Variants in RAB3C observed in about 807,000 individuals in gnomAD.
RAB3C encodes RAB3C, member RAS oncogene family.
A neutral mutation model predicts 26.4 loss-of-function variants in RAB3C; 17 were observed. The ratio of observed to expected loss-of-function variants is 0.64; its 90% CI spans 0.44 to 0.97. The LOEUF (loss-of-function observed/expected upper bound fraction) is 0.97, where lower values mean the gene tolerates loss of function less well. Ranked by LOEUF, RAB3C falls within the 50% of genes least tolerant of loss-of-function variation. The pLI, the probability that RAB3C is intolerant of heterozygous loss-of-function variation, is 0.00. For missense variants in RAB3C, 242 were observed against 281.9 expected (o/e 0.86, Z 1.01); for synonymous variants, 91 against 95.9 (o/e 0.95, Z 0.30).
At chr5:58,678,646 A>T (rs1748281745) in intron 2 of RAB3C, among the ~76,000 whole-genome samples, 1 of 152,218 alleles carries the variant, frequency 6.6e-6, no homozygotes. Context: ...TTACTAATAA[A>T]TATTTTTTCC....
At chr5:58,627,471 TAAAAAAA>T (rs58104232) in intron 2 of RAB3C, among the ~76,000 whole-genome samples, 4 of 68,442 alleles carry the variant, frequency 5.8e-5, no homozygotes, top group Non-Finnish European at 1.3e-4. Flanking sequence ...GACTCCGTCT[TAAAAAAA>T]AAAAAAAAAA....
chr5:58,792,410 C>T (rs1444492441), intron 3 of RAB3C, among the ~76,000 whole-genome samples: 1 of 152,130 alleles, frequency 6.6e-6, no homozygotes, highest in Non-Finnish European at 1.5e-5. Flanking sequence ...TGGTCCAAAC[C>T]AACCATCTGA....
chr5:58,593,697 C>G (rs1382510528), intron 1 of RAB3C, among the ~76,000 whole-genome samples: 1 of 152,176 alleles, frequency 6.6e-6, no homozygotes, highest in Non-Finnish European at 1.5e-5. Context: ...AAACAAAATG[C>G]CTTTTCCAAC....
At chr5:58,650,959 T>C (rs1747636138) in intron 2 of RAB3C, among the ~76,000 whole-genome samples, 1 of 152,178 alleles carries the variant, frequency 6.6e-6, no homozygotes, top group African/African-American at 2.4e-5. Context: ...GATCACTCAT[T>C]ATTCAGAGAA....
chr5:58,628,053 A>G lies in RAB3C; in HGVS notation c.252+10183A>G, dbSNP rs1226566605. Among the ~76,000 whole-genome samples, 3 of 144,256 alleles carry G rather than the reference A, an allele frequency of 2.1e-5. No homozygotes were observed. In the Admixed American group the frequency reaches 2.2e-4, roughly 10 times the overall value. The allele number at this position is 144,256 out of a possible 152,430, so 94.6% of individuals were successfully genotyped here. A position where few individuals can be genotyped will look rare whatever the true frequency, so the allele number is the denominator to read the frequency against. ...GCGCCTGTAGTCCCAGCTACTTGGG[A>G]GGCTGAGGCAGGAGAATCGCTTGAA... On this transcript the variant is annotated intron_variant, in intron 2 of 4. Transcript: ENST00000282878.
At chr5:58,763,284 A>G (rs1399747326) in intron 3 of RAB3C, among the ~76,000 whole-genome samples, 1 of 152,224 alleles carries the variant, frequency 6.6e-6, no homozygotes, top group East Asian at 1.9e-4. Context: ...ATCTAGTTTA[A>G]GCTTTGTCCC....
chr5:58,842,237 A>G (rs889243), intron 4 of RAB3C, among the ~76,000 whole-genome samples: 149,625 of 152,288 alleles, frequency 0.98, 73,639 homozygotes, highest in Non-Finnish European at 1. Context: ...AGAAATTTGG[A>G]AGACACTCTA....
intron 2 of RAB3C, among the ~76,000 whole-genome samples, chr5:58,722,465 A>G (rs1740792524): frequency 2.0e-5 from 3 of 151,802 alleles, no homozygotes; most frequent in Admixed American, 2.0e-4. Context: ...AAGTTACTTT[A>G]CAATAGGCAA....
intron 3 of RAB3C, chr5:58,823,222 G>T (rs760651409): frequency 9.8e-6 from 3 of 304,964 alleles, no homozygotes; most frequent in Non-Finnish European, 1.9e-5. Context: ...TGATGGAGGA[G>T]ATATACAATA....
intron 2 of RAB3C, among the ~76,000 whole-genome samples, chr5:58,703,132 C>T (rs1748881480): frequency 6.6e-6 from 1 of 152,142 alleles, no homozygotes; most frequent in Non-Finnish European, 1.5e-5. Context: ...TTATATTTGG[C>T]AGCCAAATTT....
At chr5:58,808,918 G>A (rs1743006873) in intron 3 of RAB3C, among the ~76,000 whole-genome samples, 2 of 152,154 alleles carry the variant, frequency 1.3e-5, no homozygotes, top group South Asian at 4.1e-4. Flanking sequence ...AATCCTATTT[G>A]TAGAGCAAAC....
chr5:58,747,437 T>C (rs1269112083), intron 3 of RAB3C, among the ~76,000 whole-genome samples: 2 of 152,208 alleles, frequency 1.3e-5, no homozygotes, highest in Non-Finnish European at 2.9e-5. Context: ...CGGAGAATAG[T>C]AGAACATTTG....
chr5:58,667,660 A>G (rs1003579635), intron 2 of RAB3C, among the ~76,000 whole-genome samples: 1 of 152,150 alleles, frequency 6.6e-6, no homozygotes, highest in Non-Finnish European at 1.5e-5. Flanking sequence ...CACTTTTCTA[A>G]AAGTTGTATA....
chr5:58,695,945 A>T (rs1244359153), intron 2 of RAB3C, among the ~76,000 whole-genome samples: 1 of 152,178 alleles, frequency 6.6e-6, no homozygotes, highest in East Asian at 1.9e-4. Flanking sequence ...CCTGGCCAGA[A>T]TTTCCAACAC....
At chr5:58,815,457 C>G (rs775792868) in intron 3 of RAB3C, among the ~76,000 whole-genome samples, 7 of 152,184 alleles carry the variant, frequency 4.6e-5, no homozygotes, top group Non-Finnish European at 7.3e-5. Context: ...TGTGACTTCT[C>G]CAGCCTGGGG....
intron 1 of RAB3C, among the ~76,000 whole-genome samples, chr5:58,593,897 A>G (rs1746189254): frequency 6.6e-6 from 1 of 152,178 alleles, no homozygotes; most frequent in South Asian, 2.1e-4. Flanking sequence ...GCTTGGGGAT[A>G]GTATTAGTAA....
chr5:58,786,772 CA>C (rs879385785), intron 3 of RAB3C, among the ~76,000 whole-genome samples: 2,706 of 146,122 alleles, frequency 0.019, 75 homozygotes, highest in African/African-American at 0.063. Context: ...TTCAGTTTGT[CA>C]AAAAAAAAAA....
chr5:58,606,087 G>T (rs1303703561), intron 1 of RAB3C, among the ~76,000 whole-genome samples: 1 of 152,224 alleles, frequency 6.6e-6, no homozygotes, highest in Non-Finnish European at 1.5e-5. Context: ...AGCTGAAGCA[G>T]GGTGGGGCAT....
At chr5:58,771,547 G>T (rs1742031058) in intron 3 of RAB3C, among the ~76,000 whole-genome samples, 1 of 151,988 alleles carries the variant, frequency 6.6e-6, no homozygotes, top group Non-Finnish European at 1.5e-5. Flanking sequence ...AAATTAATAG[G>T]CAAGAGAAGC....
Sources: gnomAD v4.1 joint callset for allele counts (sites outside exome capture counted in the v4.1 genomes callset) on GRCh38, gnomAD v4.1.1 for gene constraint, MANE v1.5 for transcripts, NCBI Gene and HGNC (gene_info 2026-07-23, HGNC 2026-07-21) for gene names.